CAMKMT: variants seen among roughly 807,000 people sequenced by gnomAD.
CAMKMT encodes the protein calmodulin-lysine N-methyltransferase, also known as CaM KMT.
Under a neutral mutation model 48.0 loss-of-function variants are expected in CAMKMT, and 53 were observed. That is an observed-to-expected ratio of 1.10 (90% CI 0.89 to 1.39). CAMKMT has a LOEUF of 1.39. Among genes scored for constraint, CAMKMT ranks in the 40% most tolerant of loss-of-function variants. The pLI is 0.00. For missense variants in CAMKMT, 428 were observed against 402.7 expected (o/e 1.06, Z -0.54); for synonymous variants, 165 against 152.3 (o/e 1.08, Z -0.61).
At chr2:44,679,658 T>A (rs770725240) in intron 3 of CAMKMT, among the ~76,000 whole-genome samples, 1 of 152,238 alleles carries the variant, frequency 6.6e-6, no homozygotes, top group Non-Finnish European at 1.5e-5. Flanking sequence ...CTTATAGTTA[T>A]GAGAAAATAT....
At chr2:44,589,237 AG>A (rs1401800050) in intron 3 of CAMKMT, among the ~76,000 whole-genome samples, 5 of 45,510 alleles carry the variant, frequency 1.1e-4, no homozygotes, top group Non-Finnish European at 9.3e-5. Context: ...CTGCCTGGCC[AG>A]CCGCCCCGTC....
chr2:44,426,807 G>A (rs924995621), intron 3 of CAMKMT, among the ~76,000 whole-genome samples: 13 of 152,146 alleles, frequency 8.5e-5, no homozygotes, highest in African/African-American at 2.7e-4. Context: ...ACTTTTCACA[G>A]TATTAGAAAA....
intron 1 of CAMKMT, among the ~76,000 whole-genome samples, chr2:44,362,826 T>C (rs1017115002): frequency 9.9e-5 from 15 of 152,242 alleles, no homozygotes; most frequent in African/African-American, 3.6e-4. Flanking sequence ...CTGCTGTTAC[T>C]TACAACTCCA....
chr2:44,576,116 C>T (rs955926646), intron 3 of CAMKMT, among the ~76,000 whole-genome samples: 1 of 151,972 alleles, frequency 6.6e-6, no homozygotes, highest in African/African-American at 2.4e-5. Context: ...CACCTGAGGT[C>T]AGGAGTTCGA....
intron 3 of CAMKMT, among the ~76,000 whole-genome samples, chr2:44,640,570 T>C (rs1673395140): frequency 6.6e-6 from 1 of 152,168 alleles, no homozygotes; most frequent in East Asian, 1.9e-4. Flanking sequence ...AACAGTGTTG[T>C]GAGAATGAAA....
intron 3 of CAMKMT, among the ~76,000 whole-genome samples, chr2:44,520,096 G>A (rs954046467): frequency 6.6e-6 from 1 of 151,730 alleles, no homozygotes; most frequent in Non-Finnish European, 1.5e-5. Flanking sequence ...GTGGGCACCT[G>A]TGGTCCCAGC....
intron 3 of CAMKMT, among the ~76,000 whole-genome samples, chr2:44,621,035 G>A (rs1365562819): frequency 6.6e-6 from 1 of 152,154 alleles, no homozygotes; most frequent in South Asian, 2.1e-4. Context: ...TTGGGAGGCC[G>A]AGGCGGGCGG....
chr2:44,648,564 A>G (rs1673881907), intron 3 of CAMKMT, among the ~76,000 whole-genome samples: 1 of 152,238 alleles, frequency 6.6e-6, no homozygotes, highest in Admixed American at 6.5e-5. Context: ...ATGCAATAAA[A>G]TCATTTCTTA....
intron 2 of CAMKMT, among the ~76,000 whole-genome samples, chr2:44,374,057 G>T (rs1363222162): frequency 7.2e-6 from 1 of 139,642 alleles, no homozygotes; most frequent in South Asian, 2.4e-4. Flanking sequence ...CCGGGAGGTT[G>T]AGGCTGCTGT....
intron 3 of CAMKMT, among the ~76,000 whole-genome samples, chr2:44,488,140 G>C (rs1429277476): frequency 1.3e-5 from 2 of 152,206 alleles, no homozygotes; most frequent in Non-Finnish European, 2.9e-5. Context: ...GTCTCCATAT[G>C]TATCAAGTTA....
intron 1 of CAMKMT, among the ~76,000 whole-genome samples, chr2:44,368,125 G>T (rs1198929870): frequency 2.0e-5 from 3 of 151,894 alleles, no homozygotes; most frequent in African/African-American, 7.3e-5. Context: ...GAACTTATTT[G>T]GTATATAGCA....
intron 3 of CAMKMT, among the ~76,000 whole-genome samples, chr2:44,539,739 G>A (rs1293105877): frequency 1.3e-5 from 2 of 152,010 alleles, no homozygotes; most frequent in Non-Finnish European, 2.9e-5. Context: ...CTTCATTCTG[G>A]GTTTGTCTTC....
At chr2:44,609,020 CCAGT>C (rs1247877600) in intron 3 of CAMKMT, among the ~76,000 whole-genome samples, 2 of 152,174 alleles carry the variant, frequency 1.3e-5, no homozygotes, top group Admixed American at 6.5e-5. Context: ...TCTTGCCATA[CCAGT>C]CAATCACTTT....
chr2:44,650,814 G>A (rs1195120016), intron 3 of CAMKMT, among the ~76,000 whole-genome samples: 1 of 150,986 alleles, frequency 6.6e-6, no homozygotes, highest in Non-Finnish European at 1.5e-5. Context: ...AGATTCATAA[G>A]TCCTAACTGT....
At chr2:44,393,909 G>T (rs993658342) in intron 3 of CAMKMT, among the ~76,000 whole-genome samples, 1 of 152,100 alleles carries the variant, frequency 6.6e-6, no homozygotes, top group Non-Finnish European at 1.5e-5. Context: ...AAGTTATTTC[G>T]TTCCACTACT....
At chr2:44,572,996 G>A (rs11892955) in intron 3 of CAMKMT, among the ~76,000 whole-genome samples, 97,309 of 151,156 alleles carry the variant, frequency 0.64, 31,783 homozygotes, top group Admixed American at 0.71. Context: ...CTGTTTGGCC[G>A]TCTATATCTT....
At chr2:44,583,640 T>TA (rs368830611) in intron 3 of CAMKMT, among the ~76,000 whole-genome samples, 1 of 151,596 alleles carries the variant, frequency 6.6e-6, no homozygotes, top group Non-Finnish European at 1.5e-5. Flanking sequence ...CTACAAAAAA[T>TA]AAAAAAATAG....
chr2:44,542,451 C>T (rs4952714), intron 3 of CAMKMT, among the ~76,000 whole-genome samples: 10,099 of 151,716 alleles, frequency 0.067, 551 homozygotes, highest in Admixed American at 0.18. Flanking sequence ...AAGACCTCCA[C>T]TCAAGTTGCT....
intron 3 of CAMKMT, among the ~76,000 whole-genome samples, chr2:44,440,245 A>G (rs1222987362): frequency 6.6e-6 from 1 of 152,200 alleles, no homozygotes; most frequent in Admixed American, 6.5e-5. Context: ...CTGAGGTTCT[A>G]AAAGCCAACT....
Sources: gnomAD v4.1 joint callset for allele counts (sites outside exome capture counted in the v4.1 genomes callset) on GRCh38, gnomAD v4.1.1 for gene constraint, MANE v1.5 for transcripts, NCBI Gene and HGNC (gene_info 2026-07-23, HGNC 2026-07-21) for gene names.